The following SYT14 variants were observed in gnomAD, a reference collection of about 807,000 sequenced individuals.
SYT14 encodes the protein synaptotagmin 14.
SYT14 carries 32 observed loss-of-function variants against 74.2 expected under a neutral mutation model. The observed-to-expected ratio is 0.43, with a 90% CI of 0.33 to 0.58. The LOEUF (loss-of-function observed/expected upper bound fraction) is 0.58. Among genes scored for constraint, SYT14 ranks in the 20% least tolerant of loss-of-function variants. The pLI is 0.05. For synonymous variants in SYT14, 298 were observed against 337.7 expected (o/e 0.88, Z 1.29); for missense variants, 791 against 981.8 (o/e 0.81, Z 2.60).
At chr1:209,972,426 C>G (rs2205990) in intron 2 of SYT14, among the ~76,000 whole-genome samples, 1 of 151,912 alleles carries the variant, frequency 6.6e-6, no homozygotes, top group African/African-American at 2.4e-5. Context: ...TTGTTTTTCT[C>G]GTTCTTCTAG....
intron 7 of SYT14, among the ~76,000 whole-genome samples, chr1:210,124,335 G>A (rs575449827): frequency 2.0e-5 from 3 of 151,640 alleles, no homozygotes; most frequent in South Asian, 2.1e-4. Flanking sequence ...AAGGATTAGA[G>A]ATTAGACAAT....
intron 5 of SYT14, among the ~76,000 whole-genome samples, chr1:210,040,368 G>T (rs915069380): frequency 6.6e-6 from 1 of 152,038 alleles, no homozygotes; most frequent in African/African-American, 2.4e-5. Context: ...GGATCTGTCG[G>T]GGGGTGAGGG....
chr1:210,060,673 G>GA (rs2081191268), intron 5 of SYT14, among the ~76,000 whole-genome samples: 1 of 151,938 alleles, frequency 6.6e-6, no homozygotes, highest in African/African-American at 2.4e-5. Flanking sequence ...TAATAGAAAG[G>GA]AAAAAATATA....
At chr1:210,129,116 A>G (rs1046403520) in intron 7 of SYT14, among the ~76,000 whole-genome samples, 2 of 152,220 alleles carry the variant, frequency 1.3e-5, no homozygotes, top group African/African-American at 4.8e-5. Context: ...CCATCATTTA[A>G]TCATATAAAA....
chr1:210,087,401 C>T (rs2081757556), intron 5 of SYT14, among the ~76,000 whole-genome samples: 1 of 152,194 alleles, frequency 6.6e-6, no homozygotes, highest in Admixed American at 6.5e-5. Flanking sequence ...TCGCCTGGCT[C>T]TATAGCTCTG....
At chr1:209,967,131 T>C (rs1390945257) in intron 2 of SYT14, among the ~76,000 whole-genome samples, 1 of 152,196 alleles carries the variant, frequency 6.6e-6, no homozygotes, top group South Asian at 2.1e-4. Context: ...ATGAATCACA[T>C]GTTAAACCAA....
At chr1:210,136,970 G>A (rs2082799769) in intron 7 of SYT14, among the ~76,000 whole-genome samples, 1 of 152,154 alleles carries the variant, frequency 6.6e-6, no homozygotes, top group African/African-American at 2.4e-5. Flanking sequence ...CTCACTAGAT[G>A]ATTAGCAGTT....
intron 5 of SYT14, among the ~76,000 whole-genome samples, chr1:210,093,123 T>C (rs1033925505): frequency 3.9e-5 from 6 of 152,160 alleles, no homozygotes; most frequent in Non-Finnish European, 7.4e-5. Flanking sequence ...CTTTTTTTTT[T>C]CAAAATTGGG....
At chr1:209,988,327 T>G (rs879349210) in intron 2 of SYT14, among the ~76,000 whole-genome samples, 3 of 152,216 alleles carry the variant, frequency 2.0e-5, no homozygotes, top group African/African-American at 4.8e-5. Flanking sequence ...CTTACCACAT[T>G]CGATCATTCC....
At chr1:210,085,260 C>T (rs545054504) in intron 5 of SYT14, among the ~76,000 whole-genome samples, 1 of 152,000 alleles carries the variant, frequency 6.6e-6, no homozygotes, top group African/African-American at 2.4e-5. Context: ...CTAAATTTAC[C>T]AACTCTTAGT....
intron 7 of SYT14, among the ~76,000 whole-genome samples, chr1:210,109,457 A>C (rs1016710828): frequency 2.0e-5 from 3 of 152,030 alleles, no homozygotes; most frequent in Non-Finnish European, 4.4e-5. Flanking sequence ...GCGCACCTGT[A>C]GTCCCAGCTA....
Position 210,056,212 on chromosome 1 carries a change from A to C in SYT14, c.1312+34958A>C, listed in dbSNP as rs538505763. 4.1e-4 allele frequency among the ~76,000 whole-genome samples: 62 copies of C among 152,168 alleles called. 1 individual carries two copies. The highest frequency in any genetic ancestry group is 1.3e-3 in the African/African-American group (56 of 41,514). ...ATATTTCCAACATTTATCCTTATGG[A>C]GCTGTTGTCTCTCAAGAGCTTTCAG... On this transcript the variant is annotated intron_variant, in intron 5 of 9. Coordinates refer to ENST00000637265, the Ensembl canonical transcript of SYT14.
At chr1:210,071,144 C>T (rs1325189884) in intron 5 of SYT14, among the ~76,000 whole-genome samples, 2 of 151,538 alleles carry the variant, frequency 1.3e-5, no homozygotes, top group African/African-American at 4.8e-5. Flanking sequence ...TGCCTTCCCC[C>T]TCTACAGATG....
intron 8 of SYT14, chr1:210,156,840 C>A (rs1286911464): frequency 5.6e-6 from 2 of 357,036 alleles, no homozygotes; most frequent in South Asian, 2.2e-5. Context: ...CTACAGGCAC[C>A]CACCACCACA....
intron 5 of SYT14, among the ~76,000 whole-genome samples, chr1:210,064,519 C>T (rs2081262570): frequency 6.6e-6 from 1 of 151,996 alleles, no homozygotes; most frequent in African/African-American, 2.4e-5. Context: ...TGGAATCATA[C>T]AATATTTGTC....
At chr1:210,024,150 C>T (rs227228) in intron 5 of SYT14, among the ~76,000 whole-genome samples, 52,085 of 151,830 alleles carry the variant, frequency 0.34, 9,903 homozygotes, top group Non-Finnish European at 0.42. Flanking sequence ...TGGAGTGCCC[C>T]CTGACTAGGA....
Position 210,077,742 on chromosome 1 carries a change from A to G in SYT14, c.1313-16580A>G, listed in dbSNP as rs368594472. 1.3e-4 allele frequency among the ~76,000 whole-genome samples: 20 copies of G among 152,246 alleles called. No homozygotes were observed. In the East Asian group the frequency reaches 3.5e-3, roughly 26 times the overall value. On this transcript the variant is annotated intron_variant, in intron 5 of 9. Transcript: ENST00000637265. ...AATTCCTGTTTTTTCATACCTACCGATACTTACTATTGTCTATATTCTTAT... is the reference window on the plus strand; with the variant it reads ...AATTCCTGTTTTTTCATACCTACCGGTACTTACTATTGTCTATATTCTTAT...
intron 2 of SYT14, among the ~76,000 whole-genome samples, chr1:209,975,833 C>T (rs937676278): frequency 4.6e-5 from 7 of 152,136 alleles, no homozygotes; most frequent in East Asian, 1.9e-4. Flanking sequence ...CCATCTGATC[C>T]GGGCCTTTTT....
chr1:210,105,131 T>TA (rs113451147), intron 7 of SYT14, among the ~76,000 whole-genome samples: 68 of 152,026 alleles, frequency 4.5e-4, no homozygotes, highest in African/African-American at 1.3e-3. Context: ...CTTTCTGAAT[T>TA]AAAAAAAACA....
Sources: allele counts gnomAD v4.1 joint callset (sites outside exome capture counted in the v4.1 genomes callset), GRCh38; gene constraint gnomAD v4.1.1; transcripts MANE v1.5; gene names NCBI Gene and HGNC (gene_info 2026-07-23, HGNC 2026-07-21).